The following UGT3A1 variants were observed in gnomAD, a reference collection of about 807,000 sequenced individuals.
UGT3A1 encodes UDP glycosyltransferase family 3 member A1, also known as UDP-glycosyltransferase 3A1.
A neutral mutation model predicts 37.6 loss-of-function variants in UGT3A1; 40 were observed. The observed-to-expected ratio is 1.06, with a 90% CI of 0.83 to 1.38. The LOEUF is 1.38. Ranked by LOEUF, UGT3A1 falls within the 40% of genes most tolerant of loss-of-function variation. UGT3A1 has a pLI of 0.00. For missense variants in UGT3A1, 642 were observed against 634.2 expected, an observed-to-expected ratio of 1.01 and a Z score of -0.13; for synonymous variants, 256 against 232.3, an observed-to-expected ratio of 1.10 and a Z score of -0.93.
chr5:35,993,096 A>G (rs181172339), upstream of UGT3A1, among the ~76,000 whole-genome samples: 1 of 152,166 alleles, frequency 6.6e-6, no homozygotes, highest in African/African-American at 2.4e-5. Flanking sequence ...AATTTTGTCT[A>G]TGTTATCTTA....
chr5:35,972,318 T>G (rs1740075961), intron 2 of UGT3A1, among the ~76,000 whole-genome samples: 1 of 152,032 alleles, frequency 6.6e-6, no homozygotes, highest in Non-Finnish European at 1.5e-5. Context: ...ACCAATCAGT[T>G]GAGAGGTTTT....
intron 2 of UGT3A1, among the ~76,000 whole-genome samples, chr5:35,978,147 G>T (rs537503511): frequency 6.2e-4 from 94 of 152,258 alleles, no homozygotes; most frequent in Middle Eastern, 3.4e-3. Context: ...AAGTTCTCCT[G>T]CCTCTGCCTC....
Position 35,954,126 on chromosome 5 carries a change from G to A in UGT3A1, c.*76C>T, listed in dbSNP as rs17313606. ...GGTGGAGCTGAAGAGAGAACAGAGGGGTGGCGTGTGCTGGGGTGGGGAGAA... is the reference window on the plus strand; with the variant it reads ...GGTGGAGCTGAAGAGAGAACAGAGGAGTGGCGTGTGCTGGGGTGGGGAGAA... On this transcript the variant is annotated 3_prime_UTR_variant, in exon 7 of 7. Coordinates refer to ENST00000274278, the MANE Select transcript of UGT3A1 (RefSeq NM_152404.4). 17 of 1,478,716 alleles carry A rather than the reference G, an allele frequency of 1.1e-5. No individual in the cohort carries two copies. Among genetic ancestry groups the A allele is most frequent in the Non-Finnish European group, 1.9e-6 (2 of 1,079,730 alleles). 91.6% of individuals were successfully genotyped at this position (1,478,716 alleles called of 1,614,324 possible).
intron 2 of UGT3A1, among the ~76,000 whole-genome samples, chr5:35,979,891 G>A (rs962381267): frequency 1.3e-5 from 2 of 152,192 alleles, no homozygotes; most frequent in Non-Finnish European, 2.9e-5. Context: ...CATCACAGCA[G>A]GCAAGAGAGA....
At chr5:35,986,196 G>A (rs1320221443) in intron 2 of UGT3A1, among the ~76,000 whole-genome samples, 3 of 151,980 alleles carry the variant, frequency 2.0e-5, no homozygotes, top group Non-Finnish European at 4.4e-5. Flanking sequence ...ATGCTGACAC[G>A]AAAGTCAAGA....
rs879146932 is a variant in UGT3A1 at position 35,954,103 on chromosome 5, T to C, written c.*99A>G. On this transcript the variant is annotated 3_prime_UTR_variant, in exon 7 of 7. Transcript: ENST00000274278. Reference sequence around the variant, plus strand: ...AGCAAGTTGCAGGATCAGTGGCAGGTGGAGCTGAAGAGAGAACAGAGGGGT... The same window carrying C: ...AGCAAGTTGCAGGATCAGTGGCAGGCGGAGCTGAAGAGAGAACAGAGGGGT... 4.7e-6 allele frequency: 6 copies of C among 1,272,350 alleles called. No individual in the cohort carries two copies. The East Asian group carries it at 1.5e-4, about 31-fold the overall frequency. The allele number at this position is 1,272,350 out of a possible 1,614,324, so 78.8% of individuals were successfully genotyped here.
intron 6 of UGT3A1, 90 bp from the exon 7 acceptor site, chr5:35,954,568 A>T: frequency 6.7e-7 from 1 of 1,482,990 alleles, no homozygotes; most frequent in African/African-American, 1.4e-5. Context: ...ACAAGCATAC[A>T]AACACTTTTC....
At chr5:35,961,907 T>G (rs1739602308) in intron 4 of UGT3A1, 1 of 152,190 alleles carries the variant, frequency 6.6e-6, no homozygotes, top group Admixed American at 6.5e-5. Context: ...GGATTTTCAT[T>G]AAATCCCTGG....
chr5:35,995,575 GAAGCTA>G (rs1741075974), upstream of UGT3A1, among the ~76,000 whole-genome samples: 1 of 152,208 alleles, frequency 6.6e-6, no homozygotes, highest in Non-Finnish European at 1.5e-5. Context: ...GTTGGTCTCA[GAAGCTA>G]AAGCTAAGGA....
intron 4 of UGT3A1, among the ~76,000 whole-genome samples, chr5:35,959,859 G>A (rs186088139): frequency 1.4e-4 from 22 of 151,988 alleles, no homozygotes; most frequent in Non-Finnish European, 2.5e-4. Flanking sequence ...CAGCAAAGTC[G>A]AAGGAAAAAA....
upstream of UGT3A1, chr5:35,991,575 G>A: frequency 1.9e-6 from 2 of 1,072,270 alleles, no homozygotes; most frequent in Non-Finnish European, 2.3e-6. Context: ...AGGAATGACA[G>A]GGGCCTCAGT....
chr5:35,979,922 TC>T (rs1333116567), intron 2 of UGT3A1, among the ~76,000 whole-genome samples: 2 of 152,184 alleles, frequency 1.3e-5, no homozygotes, highest in Non-Finnish European at 2.9e-5. Context: ...GCAGGGAGAC[TC>T]CCCTTTCTTA....
intron 2 of UGT3A1, among the ~76,000 whole-genome samples, chr5:35,971,210 A>G (rs1207347146): frequency 6.6e-6 from 1 of 152,136 alleles, no homozygotes; most frequent in Non-Finnish European, 1.5e-5. Context: ...AGACTCATCA[A>G]GCACAATCAT....
intron 4 of UGT3A1, among the ~76,000 whole-genome samples, chr5:35,959,548 A>C (rs903217683): frequency 1.8e-4 from 28 of 152,204 alleles, no homozygotes; most frequent in African/African-American, 6.3e-4. Context: ...TCAAATATGA[A>C]ATCATTAAAT....
chr5:35,964,770 C>T (rs544521351), intron 4 of UGT3A1, among the ~76,000 whole-genome samples: 6 of 152,344 alleles, frequency 3.9e-5, no homozygotes, highest in African/African-American at 9.6e-5. Flanking sequence ...GCTCTCCTCC[C>T]TTTGAAAATC....
At chr5:35,996,108 C>A (rs1278225968), upstream of UGT3A1, among the ~76,000 whole-genome samples, 1 of 152,012 alleles carries the variant, frequency 6.6e-6, no homozygotes, top group Non-Finnish European at 1.5e-5. Context: ...CCTCTCAGCC[C>A]CAGAAAGACT....
chr5:36,000,639 G>A (rs1741199719), intron 1 of UGT3A1, among the ~76,000 whole-genome samples: 2 of 152,164 alleles, frequency 1.3e-5, no homozygotes. Flanking sequence ...AAAAGCAGAT[G>A]ACAGCTGTTG....
chr5:36,000,533 C>G (rs1337044766), intron 1 of UGT3A1, among the ~76,000 whole-genome samples: 1 of 152,172 alleles, frequency 6.6e-6, no homozygotes, highest in Non-Finnish European at 1.5e-5. Context: ...ATTCACATCT[C>G]TCATCTTAGA....
intron 2 of UGT3A1, among the ~76,000 whole-genome samples, chr5:35,981,685 C>A (rs1740529374): frequency 6.6e-6 from 1 of 152,188 alleles, no homozygotes; most frequent in Non-Finnish European, 1.5e-5. Flanking sequence ...GAAAAATTTG[C>A]CACCTGACCA....
Sources: allele counts gnomAD v4.1 joint callset (sites outside exome capture counted in the v4.1 genomes callset), GRCh38; gene constraint gnomAD v4.1.1; transcripts MANE v1.5; gene names NCBI Gene and HGNC (gene_info 2026-07-23, HGNC 2026-07-21).